Variants in RECQL5 observed in about 807,000 individuals in gnomAD.
The protein encoded by RECQL5 is ATP-dependent DNA helicase Q5.
In RECQL5, 88 loss-of-function variants were observed where a neutral mutation model predicts 103.4. The ratio of observed to expected loss-of-function variants is 0.85; its 90% confidence interval spans 0.72 to 1.02. The LOEUF (loss-of-function observed/expected upper bound fraction) is 1.02, where lower values mean the gene tolerates loss of function less well. Among genes scored for constraint, RECQL5 ranks in the 50% least tolerant of loss-of-function variants. The pLI, the probability that RECQL5 is intolerant of heterozygous loss-of-function variation, is 0.00. For synonymous variants in RECQL5, 552 were observed against 507.9 expected, an observed-to-expected ratio of 1.09 and a Z score of -1.17; for missense variants, 1,232 against 1,284.3, an observed-to-expected ratio of 0.96 and a Z score of 0.62.
Position 75,629,247 on chromosome 17 carries a change from GC to G in RECQL5, c.2175del (p.Ser727ProfsTer27). On this transcript the variant is annotated frameshift_variant, in exon 16 of 20. Transcript: ENST00000317905. LOFTEE classifies it high-confidence loss of function. ...CTTTTTGCCTTCTTCTCAGGGGAGG[GC>G]CCCCCATAGTGAGCGCTGCCTCCAG... ...EVPGGSAHYGGPSPEKKAKSS... is the reference protein window; with the variant it reads ...EVPGGSAHYGXPSPEKKAKSS... 3 of 1,612,200 alleles carry G rather than the reference GC, an allele frequency of 1.9e-6. No homozygotes were observed. The highest frequency in any genetic ancestry group is 2.5e-6 in the Non-Finnish European group (3 of 1,179,438).
In RECQL5 at chr17:75,628,672, C is replaced by A. The variant is rs1238424459; in HGVS notation, c.2580G>T (p.Gln860His). The stretch of plus-strand genomic sequence containing the variant: ...CCAACAGACTCATCCCTGCCGGCAC[C>A]TGCTGGGATCGAGGCCGCTTGCCCT... The part of the protein sequence containing the change: ...TWKGKRPRSQ[Q>H]ENPESQPQKR... Residue 860 changes from glutamine (Q) to histidine (H), a missense_variant and splice_region_variant, in exon 17 of 20, where the codon CAG becomes CAT. Coordinates refer to ENST00000317905, the MANE Select transcript of RECQL5 (RefSeq NM_004259.7). The A allele has an allele frequency of 1.3e-6, 2 of 1,585,338 alleles. No individual in the cohort carries two copies. The highest frequency in any genetic ancestry group is 2.0e-5 in the Admixed American group (1 of 50,800).
intron 8 of RECQL5, chr17:75,633,479 C>G: frequency 7.8e-7 from 1 of 1,289,080 alleles, no homozygotes; most frequent in Non-Finnish European, 1.0e-6. Flanking sequence ...ACATGAGGCG[C>G]CTTGCCGGGC....
chr17:75,632,559 G>A lies in RECQL5; in HGVS notation c.1230-891C>T, dbSNP rs76810494. ...AGCCAGGGAGACGCAGCCTCGCCTG[G>A]AGTCCTCCTCTCGTCTTCCTCTGTC... On this transcript the variant is annotated intron_variant, in intron 8 of 19. Coordinates refer to ENST00000317905, the MANE Select transcript of RECQL5 (RefSeq NM_004259.7). Among the ~76,000 whole-genome samples the A allele has an allele frequency of 8.2e-3, 1,243 of 152,376 alleles. 12 individuals are homozygous for A. Among genetic ancestry groups the A allele is most frequent in the African/African-American group, 0.026 (1,071 of 41,584 alleles).
chr17:75,629,083 T>C lies in RECQL5; in HGVS notation c.2340A>G (p.Ser780=), dbSNP rs1598978572. 2.5e-6 allele frequency: 4 copies of C among 1,613,164 alleles called. No individual in the cohort carries two copies. Among genetic ancestry groups the C allele is most frequent in the Non-Finnish European group, 3.4e-6 (4 of 1,179,712 alleles). Residue 780 remains serine, a synonymous_variant, in exon 16 of 20, where the codon TCA becomes TCG. Transcript: ENST00000317905. ...RRVESPALLA[S]APEAEGACPS... is the part of the protein sequence containing the mutation. ...GGCAGGCACCTTCTGCCTCTGGGGCTGATGCCAGCAGAGCTGGGCTTTCCA... is the reference window on the plus strand; with the variant it reads ...GGCAGGCACCTTCTGCCTCTGGGGCCGATGCCAGCAGAGCTGGGCTTTCCA...
chr17:75,629,236 C>CT lies in RECQL5; in HGVS notation c.2186dup (p.Lys730GlufsTer18), dbSNP rs1221471650. 15 of 1,612,730 alleles carry CT rather than the reference C, an allele frequency of 9.3e-6. No homozygotes were observed. Among genetic ancestry groups the CT allele is most frequent in the Admixed American group, 5.0e-5 (3 of 59,972 alleles). The stretch of plus-strand genomic sequence containing the variant: ...CCCCAGAGGAACTTTTTGCCTTCTT[C>CT]TCAGGGGAGGGCCCCCCATAGTGAG... On this transcript the variant is annotated frameshift_variant, in exon 16 of 20. Coordinates refer to ENST00000317905, the MANE Select transcript of RECQL5 (RefSeq NM_004259.7). LOFTEE classifies it high-confidence loss of function.
At chr17:75,650,196 C>T (rs2059537391) in intron 8 of RECQL5, 1 of 988,452 alleles carries the variant, frequency 1.0e-6, no homozygotes, top group Non-Finnish European at 1.2e-6. Flanking sequence ...AGGCTGCAGG[C>T]AAGGGTGGTC....
rs755182768 is a variant in RECQL5, at chr17:75,661,587, T to A, written c.874+19A>T. On this transcript the variant is annotated intron_variant, in intron 5 of 19. Transcript: ENST00000317905. ...GCCTCTGAGGGTGAAGAGACTCAAG[T>A]GGCCTGGGTGCCCCTTACCTGCATG... The A allele has an allele frequency of 4.4e-5, 70 of 1,581,418 alleles. 1 individual carries two copies. In the South Asian group the frequency reaches 7.7e-4, roughly 18 times the overall value.
Position 75,661,635 on chromosome 17 carries a change from C to A in RECQL5, c.845G>T (p.Arg282Met). 6.2e-7 allele frequency: 1 copy of A among 1,614,128 alleles called. No individual in the cohort carries two copies. The highest frequency in any genetic ancestry group is 1.1e-5 in the South Asian group (1 of 91,082). Residue 282 changes from arginine to methionine, a missense_variant, in exon 5 of 20, where the codon AGG becomes ATG. Physicochemically the swap from Arg to Met is moderately conservative, Grantham distance 91. Coordinates refer to ENST00000317905, the MANE Select transcript of RECQL5 (RefSeq NM_004259.7). ...ATGGTAAGCCTTGGCGTTCACACCCCTGCAGCTGAGCTCTATGGCCAGCTG... is the reference window on the plus strand; with the variant it reads ...ATGGTAAGCCTTGGCGTTCACACCCATGCAGCTGAGCTCTATGGCCAGCTG... ...CEQLAIELSC[R>M]GVNAKAYHAG...
intron 8 of RECQL5, chr17:75,649,934 C>T: frequency 3.0e-6 from 3 of 985,558 alleles, no homozygotes; most frequent in South Asian, 4.7e-5. Context: ...AAGGCAGAGG[C>T]CCTTGGGAGG....
At chr17:75,663,028 C>T (rs375951535) in intron 3 of RECQL5, 31 bp from the exon 4 acceptor site, 153 of 1,548,976 alleles carry the variant, frequency 9.9e-5, no homozygotes, top group Admixed American at 1.4e-4. Flanking sequence ...TGTAACTGGC[C>T]CTCAGGACTC....
At position 75,664,156 on chromosome 17, in the gene RECQL5, C is replaced by A. The variant is rs137964884; in HGVS notation, c.252+895G>T. On this transcript the variant is annotated intron_variant, in intron 3 of 19. Transcript: ENST00000317905. ...CATTCACCAAGTTATTACTGTAGTT[C>A]CCTCTCTACCTTCCTTCATGGTGGA... Among the ~76,000 whole-genome samples the A allele has an allele frequency of 8.9e-4, 136 of 152,112 alleles. 1 individual carries two copies. The highest frequency in any genetic ancestry group is 3.2e-3 in the African/African-American group (133 of 41,522).
In RECQL5 at chr17:75,629,439, C is replaced by G; in HGVS notation, c.1984G>C (p.Gly662Arg). The G allele has an allele frequency of 6.6e-7, 1 of 1,504,830 alleles. No homozygotes were observed. Among genetic ancestry groups the G allele is most frequent in the Non-Finnish European group, 8.9e-7 (1 of 1,127,556 alleles). 93.2% of individuals were successfully genotyped at this position (1,504,830 alleles called of 1,614,324 possible). The change falls in exon 16 of 20, where the codon GGC (glycine) becomes CGC (arginine). Residue 662 changes from glycine (G) to arginine (R), a missense_variant. By Grantham distance (125) the Gly-to-Arg change is moderately radical (BLOSUM62 -2). Transcript: ENST00000317905. ...GTGGCCGTCTGGAACGGGCAGGAGC[C>G]TTTGGGGAAACCAGCTCCCACCCGC... ...PKRVGAGFPK[G>R]SCPFQTATEL...
chr17:75,635,670 G>T, intron 8 of RECQL5: 1 of 485,700 alleles, frequency 2.1e-6, no homozygotes, highest in Non-Finnish European at 2.7e-6. Context: ...TCTCCCACAA[G>T]TGTCAGTTAT....
At chr17:75,650,430 C>T (rs2059540111) in intron 8 of RECQL5, 2 of 1,329,882 alleles carry the variant, frequency 1.5e-6, no homozygotes, top group South Asian at 2.1e-5. Flanking sequence ...ATGAGGACGC[C>T]ACTGAAAATC....
At chr17:75,646,468 G>A (rs1018490082) in intron 8 of RECQL5, 1 of 152,280 alleles carries the variant, frequency 6.6e-6, no homozygotes, top group Non-Finnish European at 1.5e-5. Flanking sequence ...TCATGAACAC[G>A]TGCCCTGAGC....
chr17:75,643,984 A>G (rs898005012), intron 8 of RECQL5, among the ~76,000 whole-genome samples: 1 of 152,210 alleles, frequency 6.6e-6, no homozygotes, highest in Non-Finnish European at 1.5e-5. Flanking sequence ...TGCGTGCCAC[A>G]CTGTCTGTAC....
Position 75,631,592 on chromosome 17 carries a change from T to G in RECQL5, c.1306A>C (p.Asn436His). The change falls in exon 9 of 20, where the codon AAC (asparagine) becomes CAC (histidine). Residue 436 changes from asparagine to histidine, a missense_variant. Coordinates refer to ENST00000317905, the MANE Select transcript of RECQL5 (RefSeq NM_004259.7). ...AGCCGCCTCCGCACGGCCGTGGGGTTCTGGCAGTGGTCGCAGCCTTTGGCG... is the reference window on the plus strand; with the variant it reads ...AGCCGCCTCCGCACGGCCGTGGGGTGCTGGCAGTGGTCGCAGCCTTTGGCG... Reference protein sequence around the residue: ...ACAKGCDHCQNPTAVRRRLEA... With the variant: ...ACAKGCDHCQHPTAVRRRLEA... 3 of 1,612,956 alleles carry G rather than the reference T, an allele frequency of 1.9e-6. No homozygotes were observed. Among genetic ancestry groups the G allele is most frequent in the Non-Finnish European group, 2.5e-6 (3 of 1,179,890 alleles).
At chr17:75,659,265 T>A (rs2059667947) in intron 6 of RECQL5, among the ~76,000 whole-genome samples, 1 of 152,168 alleles carries the variant, frequency 6.6e-6, no homozygotes, top group Non-Finnish European at 1.5e-5. Flanking sequence ...TTTCACCATG[T>A]TAGCCAGGAT....
chr17:75,662,737 A>G lies in RECQL5; in HGVS notation c.513T>C (p.Pro171=). The part of the protein sequence containing the change: ...CVSQWGHDFR[P]DYLRLGALRS... Reference sequence around the variant, plus strand: ...GCAGGGCACCCAGACGCAAGTAGTCAGGACGAAAGTCATGCCCCCATTGGG... The same window carrying G: ...GCAGGGCACCCAGACGCAAGTAGTCGGGACGAAAGTCATGCCCCCATTGGG... Residue 171 remains proline, a synonymous_variant, in exon 4 of 20, where the codon CCT becomes CCC. Coordinates refer to ENST00000317905, the MANE Select transcript of RECQL5 (RefSeq NM_004259.7). 1 of 1,614,104 alleles carries G rather than the reference A, an allele frequency of 6.2e-7. No homozygotes were observed. The highest frequency in any genetic ancestry group is 8.5e-7 in the Non-Finnish European group (1 of 1,180,044).
Sources: gnomAD v4.1 joint callset for allele counts (sites outside exome capture counted in the v4.1 genomes callset) on GRCh38, gnomAD v4.1.1 for gene constraint, MANE v1.5 for transcripts, NCBI Gene and HGNC (gene_info 2026-07-23, HGNC 2026-07-21) for gene names.